SRGAP2: variants seen among roughly 807,000 people sequenced by gnomAD.
SRGAP2 encodes SLIT-ROBO Rho GTPase-activating protein 2.
Under a neutral mutation model 57.2 loss-of-function variants are expected in SRGAP2, and 15 were observed. That is an observed-to-expected ratio of 0.26 (90% CI 0.18 to 0.40). SRGAP2 has a LOEUF of 0.40. Ranked by LOEUF, SRGAP2 falls within the 10% of genes least tolerant of loss-of-function variation. The probability of loss-of-function intolerance (pLI) is 1.00; values close to 1 mark genes in which losing one functional copy is unlikely to be tolerated. For missense variants in SRGAP2, 520 were observed against 669.6 expected (o/e 0.78, Z 2.47); for synonymous variants, 249 against 248.0 (o/e 1.00, Z -0.04).
chr1:206,266,617 G>T (rs1669866545), intron 2 of SRGAP2, among the ~76,000 whole-genome samples: 2 of 152,112 alleles, frequency 1.3e-5, no homozygotes, highest in Admixed American at 1.3e-4. Context: ...GTAAAGTGCT[G>T]TGTTAACTCA....
chr1:206,283,617 A>G (rs1221644359), intron 2 of SRGAP2, among the ~76,000 whole-genome samples: 2 of 151,480 alleles, frequency 1.3e-5, no homozygotes, highest in African/African-American at 4.9e-5. Flanking sequence ...CAGAGGCCGC[A>G]GTGAGCCGAG....
chr1:206,452,205 G>C (rs181999849), intron 19 of SRGAP2, among the ~76,000 whole-genome samples: 1 of 152,316 alleles, frequency 6.6e-6, no homozygotes, highest in African/African-American at 2.4e-5. Flanking sequence ...CCATGTTACA[G>C]ATGAGGAGAC....
At chr1:206,304,694 G>T (rs1474534825) in intron 3 of SRGAP2, among the ~76,000 whole-genome samples, 2 of 145,346 alleles carry the variant, frequency 1.4e-5, no homozygotes, top group African/African-American at 5.1e-5. Flanking sequence ...ACACACTGGC[G>T]ATCAGAGAAT....
intron 10 of SRGAP2, among the ~76,000 whole-genome samples, chr1:206,410,025 C>T (rs1353698913): frequency 2.0e-5 from 3 of 151,912 alleles, no homozygotes; most frequent in East Asian, 1.9e-4. Context: ...CACTTGAACC[C>T]GGGAAGCGGA....
At chr1:206,304,602 C>T (rs1211007604) in intron 3 of SRGAP2, among the ~76,000 whole-genome samples, 4 of 152,012 alleles carry the variant, frequency 2.6e-5, no homozygotes, top group South Asian at 2.1e-4. Context: ...GCCCACAGGC[C>T]GTAGGTTGGA....
Position 206,419,606 on chromosome 1 carries a change from G to T in SRGAP2, c.1469+206G>T, listed in dbSNP as rs187682741. Among the ~76,000 whole-genome samples the T allele has an allele frequency of 1.7e-3, 254 of 152,278 alleles. 1 individual carries two copies. The highest frequency in any genetic ancestry group is 5.6e-3 in the African/African-American group (233 of 41,550). On this transcript the variant is annotated intron_variant, in intron 12 of 22. Transcript: ENST00000573034. ...GAAATGGGGTTTTCTGGGACTTTGA[G>T]AAGGAGCTAAGCAGAACTGAGTAAA...
intron 5 of SRGAP2, among the ~76,000 whole-genome samples, chr1:206,385,781 C>T (rs1250249756): frequency 6.6e-6 from 1 of 152,282 alleles, no homozygotes; most frequent in East Asian, 1.9e-4. Context: ...TTAAGACAGC[C>T]CAATATTCGC....
intron 4 of SRGAP2, among the ~76,000 whole-genome samples, chr1:206,353,600 C>A (rs1676194046): frequency 6.6e-6 from 1 of 151,936 alleles, no homozygotes; most frequent in Non-Finnish European, 1.5e-5. Flanking sequence ...GAGGCTGAGG[C>A]AGGAGAATCA....
chr1:206,249,510 A>C (rs1553310761), intron 2 of SRGAP2, among the ~76,000 whole-genome samples: 2 of 151,506 alleles, frequency 1.3e-5, no homozygotes, highest in African/African-American at 4.9e-5. Flanking sequence ...ACCAAACACC[A>C]CATGTTCTCA....
chr1:206,315,357 A>C (rs868966879), intron 3 of SRGAP2, among the ~76,000 whole-genome samples: 3 of 147,120 alleles, frequency 2.0e-5, no homozygotes, highest in Admixed American at 6.8e-5. Flanking sequence ...CGGGAGGGAG[A>C]ACCCCTGACT....
At chr1:206,392,254 A>G (rs558801334) in intron 5 of SRGAP2, among the ~76,000 whole-genome samples, 1,054 of 103,930 alleles carry the variant, frequency 0.01, 17 homozygotes, top group African/African-American at 0.038. Context: ...AGCATAGGCT[A>G]CTCCATAGGC....
At chr1:206,414,516 G>A (rs1553360770) in intron 10 of SRGAP2, among the ~76,000 whole-genome samples, 2 of 151,864 alleles carry the variant, frequency 1.3e-5, no homozygotes, top group South Asian at 2.1e-4. Context: ...AGTAATTCAC[G>A]GATCACACTT....
chr1:206,302,748 G>A (rs1284274609), intron 2 of SRGAP2, among the ~76,000 whole-genome samples: 3 of 147,722 alleles, frequency 2.0e-5, no homozygotes, highest in African/African-American at 7.5e-5. Flanking sequence ...TCATGAAGAT[G>A]GTAAACAACA....
At chr1:206,453,771 A>T in intron 20 of SRGAP2, 1 of 257,938 alleles carries the variant, frequency 3.9e-6, no homozygotes, top group East Asian at 7.5e-5. Flanking sequence ...TTTTTTTTTA[A>T]ACAACTATGC....
intron 4 of SRGAP2, among the ~76,000 whole-genome samples, chr1:206,353,851 G>A (rs1676228934): frequency 7.1e-6 from 1 of 140,796 alleles, no homozygotes; most frequent in Non-Finnish European, 1.5e-5. Context: ...CCAGGTTGGA[G>A]TACAGTGGTG....
chr1:206,398,186 A>G (rs1200454201), intron 7 of SRGAP2, among the ~76,000 whole-genome samples: 1 of 151,892 alleles, frequency 6.6e-6, no homozygotes, highest in African/African-American at 2.4e-5. Flanking sequence ...CTTTGTCCCC[A>G]CTGTGAGCAA....
At chr1:206,423,092 G>C (rs1264163920) in intron 13 of SRGAP2, among the ~76,000 whole-genome samples, 2 of 152,142 alleles carry the variant, frequency 1.3e-5, no homozygotes, top group South Asian at 4.1e-4. Context: ...TCTTTAATGG[G>C]TTCCGGTCAT....
intron 2 of SRGAP2, among the ~76,000 whole-genome samples, chr1:206,270,624 A>T (rs1670129540): frequency 6.7e-6 from 1 of 149,220 alleles, no homozygotes; most frequent in African/African-American, 2.6e-5. Flanking sequence ...AAACAAAAGC[A>T]TAGCTATGCA....
chr1:206,464,422 A>G lies in SRGAP2; in HGVS notation c.*3002A>G, dbSNP rs566560758. 6.5e-6 allele frequency: 1 copy of G among 152,750 alleles called. No individual in the cohort carries two copies. Among genetic ancestry groups the G allele is most frequent in the South Asian group, 2.1e-4 (1 of 4,826 alleles). The allele number at this position is 152,750 out of a possible 1,614,324, so 9.5% of individuals were successfully genotyped here. ...AAAGCACAACTTCAAAATAAAATAC[A>G]TTTTTAGGTTTCGATGCTGCAGTTC... On this transcript the variant is annotated 3_prime_UTR_variant, in exon 23 of 23. Transcript: ENST00000573034.
Sources: gnomAD v4.1 joint callset for allele counts (sites outside exome capture counted in the v4.1 genomes callset) on GRCh38, gnomAD v4.1.1 for gene constraint, MANE v1.5 for transcripts, NCBI Gene and HGNC (gene_info 2026-07-23, HGNC 2026-07-21) for gene names.